Variants in PTPRE observed in about 807,000 individuals in gnomAD.
PTPRE encodes the protein protein tyrosine phosphatase receptor type E.
Under a neutral mutation model 102.0 loss-of-function variants are expected in PTPRE, and 51 were observed. The ratio of observed to expected loss-of-function variants is 0.50; its 90% CI spans 0.40 to 0.63. PTPRE has a LOEUF of 0.63. Among genes scored for constraint, PTPRE ranks in the 30% least tolerant of loss-of-function variants. PTPRE has a pLI of 0.00. For missense variants in PTPRE, 752 were observed against 915.1 expected (o/e 0.82, Z 2.30); for synonymous variants, 345 against 348.2 (o/e 0.99, Z 0.10).
rs1398111983 is a variant in PTPRE at position 128,069,750 on chromosome 10, C to T, written c.1066C>T (p.His356Tyr). Residue 356 changes from histidine to tyrosine, a missense_variant, in exon 13 of 21, where the codon CAC (histidine) becomes TAC (tyrosine). Physicochemically the swap from His to Tyr is moderately conservative, Grantham distance 83. This residue lies in a region of PTPRE where 636 missense variants were observed against 824.4 expected (regional missense o/e 0.77). Transcript: ENST00000254667. ...GATCGATGCCATGATGGCCATGATG[C>T]ACGCGGAGCAGAAGGTGGATGTGTT... ...IVIDAMMAMM[H>Y]AEQKVDVFEF... 6.2e-7 allele frequency: 1 copy of T among 1,614,200 alleles called. No individual in the cohort carries two copies. The highest frequency in any genetic ancestry group is 8.5e-7 in the Non-Finnish European group (1 of 1,180,040).
At chr10:127,941,831 T>A (rs1201784757) in intron 1 of PTPRE, among the ~76,000 whole-genome samples, 1 of 152,052 alleles carries the variant, frequency 6.6e-6, no homozygotes, top group East Asian at 1.9e-4. Context: ...TTCCTTGGTT[T>A]GTGGCCACAA....
intron 2 of PTPRE, among the ~76,000 whole-genome samples, chr10:128,013,067 G>A (rs766247937): frequency 4.6e-5 from 7 of 152,268 alleles, no homozygotes; most frequent in Non-Finnish European, 8.8e-5. Context: ...TTAAAGAGAA[G>A]AGTCTATTTA....
chr10:127,963,720 A>G (rs2135398540), intron 1 of PTPRE, among the ~76,000 whole-genome samples: 1 of 152,182 alleles, frequency 6.6e-6, no homozygotes, highest in African/African-American at 2.4e-5. Context: ...ACACGTGCAC[A>G]CACGTGTGGA....
chr10:127,974,955 CTG>C (rs201235488), intron 1 of PTPRE, among the ~76,000 whole-genome samples: 1,604 of 152,248 alleles, frequency 0.011, 28 homozygotes, highest in African/African-American at 0.035. Flanking sequence ...TCCTACTGTA[CTG>C]TGTTGTTGTA....
intron 2 of PTPRE, among the ~76,000 whole-genome samples, chr10:128,012,089 C>T (rs142013812): frequency 3.3e-5 from 5 of 152,232 alleles, no homozygotes; most frequent in African/African-American, 1.2e-4. Flanking sequence ...GTCCACCTGT[C>T]TCCTGGCTCA....
In PTPRE at chr10:128,060,973, TG is replaced by T. The variant is rs1281182534; in HGVS notation, c.548del (p.Gly183GlufsTer13). ...HSRVILSQLD[G>X]IPCSDYINAS... ...CTAGGGTGATTCTGAGCCAACTGGA[TG>T]GAATTCCCTGTTCAGACTACATCAA... On this transcript the variant is annotated frameshift_variant, in exon 8 of 21. Coordinates refer to ENST00000254667, the MANE Select transcript of PTPRE (RefSeq NM_006504.6). LOFTEE classifies it high-confidence loss of function. 6.2e-7 allele frequency: 1 copy of T among 1,614,066 alleles called. No individual in the cohort carries two copies. Among genetic ancestry groups the T allele is most frequent in the Non-Finnish European group, 8.5e-7 (1 of 1,180,022 alleles).
In PTPRE at chr10:128,047,473, G is replaced by T; in HGVS notation, c.193G>T (p.Ala65Ser). The change falls in exon 4 of 21, where the codon GCC (alanine) becomes TCC (serine). Residue 65 changes from alanine (A) to serine (S), a missense_variant. Ala to Ser is a moderately conservative substitution (Grantham distance 99). Transcript: ENST00000254667. ...GCTCCTCCTCCTCGTGCTCCTTCTCGCCGCCTACTTCTTCAGGTAGGAGTG... is the reference window on the plus strand; with the variant it reads ...GCTCCTCCTCCTCGTGCTCCTTCTCTCCGCCTACTTCTTCAGGTAGGAGTG... ...LLLLLLVLLL[A>S]AYFFRFRKQR... 1 of 1,613,234 alleles carries T rather than the reference G, an allele frequency of 6.2e-7. No homozygotes were observed.
chr10:128,061,540 T>C, intron 8 of PTPRE, 139 bp from the exon 9 acceptor site: 1 of 1,063,474 alleles, frequency 9.4e-7, no homozygotes, highest in Non-Finnish European at 1.3e-6. Context: ...CTGGTGAGTT[T>C]TCTTTCCTTC....
At chr10:128,001,391 G>A (rs1268148393) in intron 2 of PTPRE, among the ~76,000 whole-genome samples, 2 of 151,314 alleles carry the variant, frequency 1.3e-5, no homozygotes, top group Non-Finnish European at 3.0e-5. Context: ...CGGCTAGGGC[G>A]CCGGAACTTT....
Position 127,967,242 on chromosome 10 carries a change from C to T in PTPRE, c.-30-15032C>T, listed in dbSNP as rs143136176. Among the ~76,000 whole-genome samples, 405 of 152,340 alleles carry T rather than the reference C, an allele frequency of 2.7e-3. 2 individuals carry two copies. The highest frequency in any genetic ancestry group is 9.3e-3 in the African/African-American group (388 of 41,582). ...CATGTAGAGTAAAAAGCAATACCCA[C>T]TCTACTCCAAAATAGTAGCTCAAGC... On this transcript the variant is annotated intron_variant, in intron 1 of 20. Transcript: ENST00000254667.
rs1851968439 is a variant in PTPRE, at chr10:128,084,603, C to T, written c.*1697C>T. 6.6e-6 allele frequency: 1 copy of T among 152,554 alleles called. No individual in the cohort carries two copies. The highest frequency in any genetic ancestry group is 2.1e-4 in the South Asian group (1 of 4,866). 9.5% of individuals were successfully genotyped at this position (152,554 alleles called of 1,614,324 possible). On this transcript the variant is annotated 3_prime_UTR_variant, in exon 21 of 21. Coordinates refer to ENST00000254667, the MANE Select transcript of PTPRE (RefSeq NM_006504.6). ...TGGGCTGCACACTGCTGAACGTGCT[C>T]CTCTCTCCTTCTCTGTACAATGATT...
intron 1 of PTPRE, among the ~76,000 whole-genome samples, chr10:127,980,417 C>T (rs528118403): frequency 6.8e-6 from 1 of 147,598 alleles, no homozygotes; most frequent in Admixed American, 6.8e-5. Flanking sequence ...ATTTTTGAAT[C>T]CTTTGGGATT....
intron 2 of PTPRE, among the ~76,000 whole-genome samples, chr10:128,022,703 G>T (rs56090210): frequency 6.6e-6 from 1 of 152,342 alleles, no homozygotes; most frequent in South Asian, 2.1e-4. Context: ...GGCACACAGC[G>T]CAGTGGATGG....
chr10:128,040,411 A>G (rs1847578462), intron 2 of PTPRE, among the ~76,000 whole-genome samples: 1 of 152,146 alleles, frequency 6.6e-6, no homozygotes, highest in Non-Finnish European at 1.5e-5. Context: ...CCGATTGAAA[A>G]GCAGTGTCTT....
chr10:127,971,713 G>T (rs901468137), intron 1 of PTPRE, among the ~76,000 whole-genome samples: 12 of 152,194 alleles, frequency 7.9e-5, no homozygotes, highest in African/African-American at 2.9e-4. Flanking sequence ...ACGGAAGGAG[G>T]TTTATTAGAA....
At chr10:127,914,795 C>T (rs572775701) in intron 1 of PTPRE, among the ~76,000 whole-genome samples, 1 of 152,260 alleles carries the variant, frequency 6.6e-6, no homozygotes, top group Non-Finnish European at 1.5e-5. Context: ...ACCGAGGAGA[C>T]CTGGAAGTTC....
chr10:128,008,566 C>T lies in PTPRE; in HGVS notation c.-8+26270C>T, dbSNP rs1844708471. On this transcript the variant is annotated intron_variant, in intron 2 of 20. Transcript: ENST00000254667. The surrounding 1 kb of genome is among the most constrained non-coding windows in gnomAD (Gnocchi z 4.0). ...GGGGTGGTATTTCCTGGGAGACAGC[C>T]AGCCTGGGCTAGTGGAGCATCCCGC... Among the ~76,000 whole-genome samples the T allele has an allele frequency of 6.6e-6, 1 of 152,266 alleles. No homozygotes were observed. Among genetic ancestry groups the T allele is most frequent in the South Asian group, 2.1e-4 (1 of 4,822 alleles).
rs773837312 is a variant in PTPRE at position 128,077,765 on chromosome 10, C to G, written c.1874C>G (p.Pro625Arg). The G allele has an allele frequency of 6.2e-7, 1 of 1,604,086 alleles. No individual in the cohort carries two copies. Among genetic ancestry groups the G allele is most frequent in the Non-Finnish European group, 8.5e-7 (1 of 1,171,870 alleles). ...QKQQQQTGNH[P>R]ITVHCSAGAG... ...CAGCAGCAGCAGACAGGCAACCACC[C>G]CATCACCGTGCACTGCAGGTGAGCC... is the stretch of plus-strand genomic sequence containing the variant. Residue 625 changes from proline to arginine, a missense_variant, in exon 19 of 21, where the codon CCC becomes CGC. Transcript: ENST00000254667.
chr10:127,936,491 C>T (rs140285240), intron 1 of PTPRE, among the ~76,000 whole-genome samples: 1,739 of 152,260 alleles, frequency 0.011, 14 homozygotes, highest in Non-Finnish European at 0.018. Flanking sequence ...GCCTTTCTTT[C>T]TGACACAGAA....
Sources: gnomAD v4.1 joint callset for allele counts (sites outside exome capture counted in the v4.1 genomes callset) on GRCh38, gnomAD v4.1.1 for gene constraint, gnomAD v4.1.1 regional missense constraint, Gnocchi (gnomAD v3.1) non-coding constraint, MANE v1.5 for transcripts, NCBI Gene and HGNC (gene_info 2026-07-23, HGNC 2026-07-21) for gene names.